Variants in ARL8B observed in about 807,000 individuals in gnomAD.
ARL8B encodes the protein ARF like GTPase 8B, also known as ADP-ribosylation factor-like protein 8B.
Under a neutral mutation model 30.6 loss-of-function variants are expected in ARL8B, and 9 were observed. The observed-to-expected ratio is 0.29, with a 90% CI of 0.18 to 0.51. The LOEUF (loss-of-function observed/expected upper bound fraction) is 0.51. ARL8B is among the 20% of genes least tolerant of loss of function. The pLI is 0.97. For synonymous variants in ARL8B, 74 were observed against 76.0 expected (o/e 0.97, Z 0.14); for missense variants, 130 against 227.2 (o/e 0.57, Z 2.75).
chr3:5,122,805 G>C (rs746638368), intron 1 of ARL8B, among the ~76,000 whole-genome samples: 2 of 152,258 alleles, frequency 1.3e-5, no homozygotes, highest in African/African-American at 2.4e-5. Flanking sequence ...GAAGGGTTAA[G>C]TCAGTGTAGA....
In ARL8B at chr3:5,180,853, C is replaced by T. The variant is rs2054772091; in HGVS notation, c.*2140C>T. 5 of 152,608 alleles carry T rather than the reference C, an allele frequency of 3.3e-5. No individual in the cohort carries two copies. The South Asian group carries it at 1.0e-3, about 32-fold the overall frequency. 9.5% of individuals were successfully genotyped at this position (152,608 alleles called of 1,614,324 possible). ...GACCATTTGTCAGAAATCAGATCAGCCCTCAAAGAATGGGGTCTGTGGGCT... is the reference window on the plus strand; with the variant it reads ...GACCATTTGTCAGAAATCAGATCAGTCCTCAAAGAATGGGGTCTGTGGGCT... On this transcript the variant is annotated 3_prime_UTR_variant, in exon 7 of 7. Transcript: ENST00000256496.
At chr3:5,133,210 G>T (rs780614759) in intron 1 of ARL8B, among the ~76,000 whole-genome samples, 2 of 128,690 alleles carry the variant, frequency 1.6e-5, no homozygotes, top group African/African-American at 6.9e-5. Flanking sequence ...AGAAACAAAG[G>T]CTGGAAAAGT....
intron 1 of ARL8B, among the ~76,000 whole-genome samples, chr3:5,139,004 T>C (rs2054350370): frequency 6.6e-6 from 1 of 152,208 alleles, no homozygotes; most frequent in Non-Finnish European, 1.5e-5. Context: ...AACAGATGTC[T>C]CTACTGATAT....
intron 1 of ARL8B, among the ~76,000 whole-genome samples, chr3:5,142,955 GCT>G (rs2054387602): frequency 6.6e-6 from 1 of 152,216 alleles, no homozygotes; most frequent in Non-Finnish European, 1.5e-5. Flanking sequence ...AGTGTCTTCA[GCT>G]CGGAGTTACC....
At chr3:5,122,615 G>A in intron 1 of ARL8B, 27 bp downstream of exon 1, 2 of 1,581,224 alleles carry the variant, frequency 1.3e-6, no homozygotes, top group South Asian at 1.1e-5. Context: ...TCACTCGCCC[G>A]GGGCTCCGCA....
At chr3:5,134,546 G>A (rs769574050) in intron 1 of ARL8B, among the ~76,000 whole-genome samples, 26 of 152,158 alleles carry the variant, frequency 1.7e-4, no homozygotes, top group Non-Finnish European at 3.5e-4. Context: ...TAAATCTAAA[G>A]GATATTTGAT....
chr3:5,174,237 C>G (rs558064430), intron 5 of ARL8B, 107 bp from the exon 6 acceptor site: 7 of 1,070,476 alleles, frequency 6.5e-6, no homozygotes, highest in Non-Finnish European at 9.9e-6. Flanking sequence ...AGGATTGCTA[C>G]GATGATTTCT....
chr3:5,159,297 CAAAAAA>C (rs56033027), intron 1 of ARL8B, among the ~76,000 whole-genome samples: 4 of 53,012 alleles, frequency 7.5e-5, no homozygotes, highest in African/African-American at 1.6e-4. Flanking sequence ...GACTCTGTCT[CAAAAAA>C]AAAAAAAAAA....
chr3:5,130,498 T>C (rs1480359284), intron 1 of ARL8B, among the ~76,000 whole-genome samples: 1 of 152,058 alleles, frequency 6.6e-6, no homozygotes, highest in Non-Finnish European at 1.5e-5. Context: ...GGACCTATTA[T>C]AGTGGGATGC....
At chr3:5,167,758 A>G (rs954155387) in intron 1 of ARL8B, among the ~76,000 whole-genome samples, 3 of 152,238 alleles carry the variant, frequency 2.0e-5, no homozygotes, top group Non-Finnish European at 4.4e-5. Flanking sequence ...ATTTGTTAAA[A>G]TAAGTAGAAT....
At chr3:5,144,211 C>T (rs1033312221) in intron 1 of ARL8B, among the ~76,000 whole-genome samples, 2 of 152,202 alleles carry the variant, frequency 1.3e-5, no homozygotes, top group Admixed American at 6.5e-5. Flanking sequence ...ACATTCCCAG[C>T]AGTGGCTGTT....
intron 4 of ARL8B, among the ~76,000 whole-genome samples, chr3:5,172,955 C>A (rs6775372): frequency 0.014 from 2,096 of 152,286 alleles, 51 homozygotes; most frequent in African/African-American, 0.048. Context: ...GCAGCAGGAG[C>A]AGTGCGTAGG....
chr3:5,149,764 G>A (rs1466146520), intron 1 of ARL8B, among the ~76,000 whole-genome samples: 1 of 152,158 alleles, frequency 6.6e-6, no homozygotes. Flanking sequence ...CAGGCTGGCT[G>A]CCAGTCCTTA....
intron 1 of ARL8B, among the ~76,000 whole-genome samples, chr3:5,124,195 C>G (rs1294924931): frequency 6.6e-6 from 1 of 150,396 alleles, no homozygotes; most frequent in African/African-American, 2.4e-5. Context: ...TGATTTTTTG[C>G]GCTTGGAATG....
intron 1 of ARL8B, among the ~76,000 whole-genome samples, chr3:5,142,024 TA>T (rs747505502): frequency 4.5e-4 from 69 of 152,188 alleles, no homozygotes; most frequent in Non-Finnish European, 4.9e-4. Flanking sequence ...ATATTGACAT[TA>T]AAAGAGTTTG....
chr3:5,122,618 G>T (rs1379309774), intron 1 of ARL8B, 30 bp downstream of exon 1: 10 of 1,579,506 alleles, frequency 6.3e-6, no homozygotes, highest in South Asian at 3.4e-5. Flanking sequence ...CTCGCCCGGG[G>T]CTCCGCAGCC....
intron 1 of ARL8B, among the ~76,000 whole-genome samples, chr3:5,123,476 G>C (rs1380453758): frequency 6.6e-6 from 1 of 152,170 alleles, no homozygotes; most frequent in African/African-American, 2.4e-5. Flanking sequence ...TTGGTTGGTT[G>C]GGAAATAAAT....
chr3:5,156,380 G>C (rs907986707), intron 1 of ARL8B, among the ~76,000 whole-genome samples: 1 of 149,800 alleles, frequency 6.7e-6, no homozygotes, highest in Non-Finnish European at 1.5e-5. Context: ...CCCTTCCCCA[G>C]AGTTTACTGC....
In ARL8B at chr3:5,162,987, C is replaced by CTTTTT. The variant is rs58230539; in HGVS notation, c.124-7502_124-7498dup. Among the ~76,000 whole-genome samples the CTTTTT allele has an allele frequency of 6.2e-3, 784 of 125,794 alleles. 33 individuals carry two copies. The highest frequency in any genetic ancestry group is 0.023 in the African/African-American group (731 of 31,196). 82.5% of individuals were successfully genotyped at this position (125,794 alleles called of 152,430 possible). ...GTGTGTACTCAGTGTTTAGCTCCCA[C>CTTTTT]TTTTTTTTTTTTTTTTTTGAGACGG... On this transcript the variant is annotated intron_variant, in intron 1 of 6. Coordinates refer to ENST00000256496, the MANE Select transcript of ARL8B (RefSeq NM_018184.3).
Sources: allele counts gnomAD v4.1 joint callset (sites outside exome capture counted in the v4.1 genomes callset), GRCh38; gene constraint gnomAD v4.1.1; transcripts MANE v1.5; gene names NCBI Gene and HGNC (gene_info 2026-07-23, HGNC 2026-07-21).